Variants in SLAIN1 observed in about 807,000 individuals in gnomAD.
The protein encoded by SLAIN1 is SLAIN family member 1.
A neutral mutation model predicts 55.4 loss-of-function variants in SLAIN1; 17 were observed. The ratio of observed to expected loss-of-function variants is 0.31; its 90% CI spans 0.21 to 0.46. The LOEUF is 0.46. SLAIN1 is among the 20% of genes least tolerant of loss of function. The probability of loss-of-function intolerance (pLI) is 1.00; values close to 1 mark genes in which losing one functional copy is unlikely to be tolerated. For synonymous variants in SLAIN1, 348 were observed against 337.4 expected (o/e 1.03, Z -0.35); for missense variants, 682 against 785.1 (o/e 0.87, Z 1.57).
In SLAIN1 at chr13:77,753,212, G is replaced by A. The variant is rs747684375; in HGVS notation, c.1268G>A (p.Arg423Gln). ...TAAAATTCTTTTCCAGATAAGCTCC[G>A]AAGAAGTATGCCTAACCTAGCCCGG... ...QPNRTNGDKL[R>Q]RSMPNLARMP... The change falls in exon 5 of 7, where the codon CGA (arginine) becomes CAA (glutamine). Residue 423 changes from arginine (R) to glutamine (Q), a missense_variant. By Grantham distance (43) the Arg-to-Gln change is conservative. This residue lies in a region of SLAIN1 where 244 missense variants were observed against 295.2 expected (regional missense o/e 0.83). Coordinates refer to ENST00000418532, the MANE Select transcript of SLAIN1 (RefSeq NM_001242868.2). 8 of 1,594,924 alleles carry A rather than the reference G, an allele frequency of 5.0e-6. No individual in the cohort carries two copies. Among genetic ancestry groups the A allele is most frequent in the Admixed American group, 1.8e-5 (1 of 54,670 alleles).
intron 2 of SLAIN1, among the ~76,000 whole-genome samples, chr13:77,723,331 C>A (rs999111948): frequency 1.1e-4 from 17 of 152,086 alleles, no homozygotes; most frequent in Non-Finnish European, 1.9e-4. Flanking sequence ...TTTCTCTGGC[C>A]CCTCTTCAGT....
At chr13:77,723,388 A>G (rs1334218188) in intron 2 of SLAIN1, among the ~76,000 whole-genome samples, 1 of 152,124 alleles carries the variant, frequency 6.6e-6, no homozygotes, top group Non-Finnish European at 1.5e-5. Flanking sequence ...TTTCTATTCC[A>G]TTAAAAGAAA....
intron 1 of SLAIN1, among the ~76,000 whole-genome samples, chr13:77,710,498 G>A (rs1027026861): frequency 1.3e-5 from 2 of 152,060 alleles, no homozygotes; most frequent in African/African-American, 2.4e-5. Flanking sequence ...ACAAAGAAGG[G>A]CATCACATAA....
intron 6 of SLAIN1, among the ~76,000 whole-genome samples, chr13:77,761,998 T>C (rs1269616321): frequency 6.6e-6 from 1 of 152,250 alleles, no homozygotes; most frequent in Non-Finnish European, 1.5e-5. Context: ...TCTGTCTTTA[T>C]GCATTTATGG....
At chr13:77,746,983 G>A (rs1873874856) in intron 4 of SLAIN1, 128 bp downstream of exon 4, 4 of 807,012 alleles carry the variant, frequency 5.0e-6, no homozygotes, top group Admixed American at 5.7e-5. Flanking sequence ...TTGGAGTGCA[G>A]TGGCACGATC....
chr13:77,707,569 T>G (rs1181289229), intron 1 of SLAIN1, among the ~76,000 whole-genome samples: 2 of 152,190 alleles, frequency 1.3e-5, no homozygotes, highest in Non-Finnish European at 2.9e-5. Flanking sequence ...GAAGCCGATC[T>G]AAAGCTCTTA....
At chr13:77,727,447 A>AC (rs1460490449) in intron 2 of SLAIN1, among the ~76,000 whole-genome samples, 4 of 151,292 alleles carry the variant, frequency 2.6e-5, no homozygotes, top group Non-Finnish European at 4.4e-5. Context: ...CAAAAAAAAA[A>AC]ACAAAACAAT....
intron 2 of SLAIN1, among the ~76,000 whole-genome samples, chr13:77,723,279 A>C (rs931729443): frequency 4.6e-5 from 7 of 152,124 alleles, no homozygotes; most frequent in Non-Finnish European, 1.0e-4. Context: ...TTAGCCTCTG[A>C]AGAGCCATCA....
intron 2 of SLAIN1, chr13:77,743,063 C>T (rs755220994): frequency 9.2e-6 from 12 of 1,300,732 alleles, no homozygotes; most frequent in East Asian, 5.6e-5. Flanking sequence ...ACTGGCTTTT[C>T]CTTATAGTCC....
chr13:77,736,344 C>A (rs1476563402), intron 2 of SLAIN1, among the ~76,000 whole-genome samples: 1 of 152,082 alleles, frequency 6.6e-6, no homozygotes, highest in Non-Finnish European at 1.5e-5. Flanking sequence ...GAAGTGAGAA[C>A]CCTCCCTTTC....
chr13:77,732,632 G>A lies in SLAIN1; in HGVS notation c.767-11651G>A, dbSNP rs754385117. On this transcript the variant is annotated intron_variant, in intron 2 of 6. Transcript: ENST00000418532. ...AAGGGAAAATGGCTTCTATAAAAGG[G>A]AATTTTTAAACATGCCTTTGAAGTG... Among the ~76,000 whole-genome samples, 394 of 152,088 alleles carry A rather than the reference G, an allele frequency of 2.6e-3. 1 individual carries two copies. The highest frequency in any genetic ancestry group is 4.2e-3 in the Non-Finnish European group (287 of 67,966).
chr13:77,745,903 A>T (rs1873779775), intron 3 of SLAIN1, among the ~76,000 whole-genome samples: 1 of 151,972 alleles, frequency 6.6e-6, no homozygotes, highest in Non-Finnish European at 1.5e-5. Context: ...AAATAATGAG[A>T]ACTTTGTAGT....
intron 5 of SLAIN1, among the ~76,000 whole-genome samples, chr13:77,759,406 A>G (rs182820635): frequency 6.6e-6 from 1 of 152,208 alleles, no homozygotes; most frequent in African/African-American, 2.4e-5. Context: ...CTCTTTTCCA[A>G]TTTGGATGCC....
chr13:77,747,268 G>A (rs1304401762), intron 4 of SLAIN1, among the ~76,000 whole-genome samples: 1 of 151,952 alleles, frequency 6.6e-6, no homozygotes, highest in African/African-American at 2.4e-5. Flanking sequence ...ATAGATAATT[G>A]GTCAATGTTT....
chr13:77,736,395 C>T (rs946715227), intron 2 of SLAIN1, among the ~76,000 whole-genome samples: 16 of 152,074 alleles, frequency 1.1e-4, no homozygotes, highest in Non-Finnish European at 2.4e-4. Flanking sequence ...CCATTCCTCT[C>T]ATCTCCAGGA....
Position 77,719,646 on chromosome 13 carries a change from T to A in SLAIN1, c.741T>A (p.Arg247=). The A allele has an allele frequency of 1.9e-6, 3 of 1,613,380 alleles. No homozygotes were observed. Among genetic ancestry groups the A allele is most frequent in the Non-Finnish European group, 2.5e-6 (3 of 1,179,522 alleles). The change falls in exon 2 of 7, where the codon CGT becomes CGA. Residue 247 remains arginine, a synonymous_variant. Transcript: ENST00000418532. ...CTCCTGAGATGGAAGCAGCGAGACGTTCCCTGTGCTTTAGACTGGAGCAAG... is the reference window on the plus strand; with the variant it reads ...CTCCTGAGATGGAAGCAGCGAGACGATCCCTGTGCTTTAGACTGGAGCAAG... The part of the protein sequence containing the change: ...NPTPEMEAAR[R]SLCFRLEQGY...
Position 77,753,245 on chromosome 13 carries a change from G to C in SLAIN1, c.1301G>C (p.Ser434Thr). The C allele has an allele frequency of 6.2e-7, 1 of 1,612,366 alleles. No individual in the cohort carries two copies. The highest frequency in any genetic ancestry group is 8.5e-7 in the Non-Finnish European group (1 of 1,179,382). The change falls in exon 5 of 7, where the codon AGT becomes ACT. Residue 434 changes from serine to threonine, a missense_variant. Ser to Thr is a moderately conservative substitution (Grantham distance 58). Around this residue, in one of 3 missense-constraint regions of SLAIN1, gnomAD observed 244 missense variants for 295.2 expected, o/e 0.83. Coordinates refer to ENST00000418532, the MANE Select transcript of SLAIN1 (RefSeq NM_001242868.2). Reference protein sequence around the residue: ...RSMPNLARMPSTTAISSNISS... With the variant: ...RSMPNLARMPTTTAISSNISS... ...ATGCCTAACCTAGCCCGGATGCCAA[G>C]TACAACTGCCATTAGTAGCAACATT...
At chr13:77,739,638 G>A (rs907449907) in intron 2 of SLAIN1, among the ~76,000 whole-genome samples, 1 of 152,070 alleles carries the variant, frequency 6.6e-6, no homozygotes, top group Non-Finnish European at 1.5e-5. Flanking sequence ...AATACTTTGA[G>A]TCTAAGCAAA....
At chr13:77,734,030 C>T (rs1433923981) in intron 2 of SLAIN1, among the ~76,000 whole-genome samples, 1 of 152,066 alleles carries the variant, frequency 6.6e-6, no homozygotes, top group Non-Finnish European at 1.5e-5. Context: ...GCTGTCTTCA[C>T]CTTGGTTTTT....
Sources: allele counts gnomAD v4.1 joint callset (sites outside exome capture counted in the v4.1 genomes callset), GRCh38; gene constraint gnomAD v4.1.1; regional missense constraint gnomAD v4.1.1; transcripts MANE v1.5; gene names NCBI Gene and HGNC (gene_info 2026-07-23, HGNC 2026-07-21).